Variants in USP43 observed in about 807,000 individuals in gnomAD.
USP43 encodes the protein ubiquitin carboxyl-terminal hydrolase 43.
A neutral mutation model predicts 90.7 loss-of-function variants in USP43; 33 were observed. That is an observed-to-expected ratio of 0.36 (90% confidence interval 0.28 to 0.49). The LOEUF is 0.49. USP43 is among the 20% of genes least tolerant of loss of function. USP43 has a pLI of 0.98. For missense variants in USP43, 1,274 were observed against 1,476.4 expected, an observed-to-expected ratio of 0.86 and a Z score of 2.25; for synonymous variants, 598 against 615.8, an observed-to-expected ratio of 0.97 and a Z score of 0.43.
chr17:9,655,084 G>GAAAAAAAAAAAAAAAAAAAA (rs57985388), intron 1 of USP43, among the ~76,000 whole-genome samples: 3 of 37,356 alleles, frequency 8.0e-5, no homozygotes, highest in East Asian at 1.1e-3. Flanking sequence ...AGAAAGAAAG[G>GAAAAAAAAAAAAAAAAAAAA]AAAAAAAAAA....
chr17:9,722,259 GC>G (rs1917001145), intron 14 of USP43, among the ~76,000 whole-genome samples: 1 of 151,448 alleles, frequency 6.6e-6, no homozygotes, highest in Non-Finnish European at 1.5e-5. Context: ...CTTTCTTTTT[GC>G]CTTCTCTCTT....
intron 14 of USP43, among the ~76,000 whole-genome samples, chr17:9,719,556 T>C (rs775990630): frequency 1.3e-5 from 2 of 152,172 alleles, no homozygotes; most frequent in Non-Finnish European, 2.9e-5. Context: ...GTTGTAAAGC[T>C]CACCCCTAGA....
chr17:9,696,068 A>G (rs557800478), intron 9 of USP43, among the ~76,000 whole-genome samples: 1 of 151,708 alleles, frequency 6.6e-6, no homozygotes, highest in Non-Finnish European at 1.5e-5. Flanking sequence ...GGGATGCTCA[A>G]ATATTATTGG....
intron 14 of USP43, among the ~76,000 whole-genome samples, chr17:9,719,749 TTTAGAAG>T (rs1479186894): frequency 6.6e-6 from 1 of 152,112 alleles, no homozygotes; most frequent in Non-Finnish European, 1.5e-5. Flanking sequence ...TGAAAGCTGT[TTTAGAAG>T]TTCTGAGACG....
At chr17:9,683,170 C>G (rs150247362) in intron 7 of USP43, among the ~76,000 whole-genome samples, 5 of 152,260 alleles carry the variant, frequency 3.3e-5, no homozygotes, top group Non-Finnish European at 7.4e-5. Flanking sequence ...CAGAGGCCTT[C>G]CTATTAATCG....
chr17:9,667,867 A>G (rs1342553639), intron 3 of USP43, among the ~76,000 whole-genome samples: 1 of 152,184 alleles, frequency 6.6e-6, no homozygotes, highest in Non-Finnish European at 1.5e-5. Context: ...GTGTGTCTAT[A>G]TATATTTTAA....
intron 8 of USP43, among the ~76,000 whole-genome samples, chr17:9,691,193 C>T (rs768053154): frequency 6.6e-6 from 1 of 151,286 alleles, no homozygotes; most frequent in Admixed American, 6.6e-5. Context: ...CAGCTCACTG[C>T]AACCTCCACC....
chr17:9,687,412 A>G (rs1597852449), intron 8 of USP43, among the ~76,000 whole-genome samples: 1 of 152,230 alleles, frequency 6.6e-6, no homozygotes, highest in Non-Finnish European at 1.5e-5. Context: ...AAATATGAAA[A>G]TCTAAATGTT....
chr17:9,721,175 G>C (rs1916934833), intron 14 of USP43, among the ~76,000 whole-genome samples: 1 of 152,148 alleles, frequency 6.6e-6, no homozygotes, highest in Non-Finnish European at 1.5e-5. Context: ...GTCCTTCCCA[G>C]AGACCCCTTG....
chr17:9,650,849 T>G (rs1911809664), intron 1 of USP43, among the ~76,000 whole-genome samples: 1 of 152,172 alleles, frequency 6.6e-6, no homozygotes, highest in Non-Finnish European at 1.5e-5. Flanking sequence ...TTTTTAAAAA[T>G]TTTAATAGGT....
chr17:9,717,922 G>C (rs571235804), intron 14 of USP43, among the ~76,000 whole-genome samples: 1 of 151,210 alleles, frequency 6.6e-6, no homozygotes, highest in South Asian at 2.1e-4. Context: ...TCAGACTCCC[G>C]AGTAGCTGGG....
At chr17:9,676,515 A>T (rs1913789331) in intron 4 of USP43, among the ~76,000 whole-genome samples, 1 of 152,114 alleles carries the variant, frequency 6.6e-6, no homozygotes, top group South Asian at 2.1e-4. Flanking sequence ...GATTACAGGC[A>T]TCCGCCACCA....
chr17:9,676,171 C>T (rs1408216709), intron 4 of USP43, among the ~76,000 whole-genome samples: 1 of 152,114 alleles, frequency 6.6e-6, no homozygotes, highest in Non-Finnish European at 1.5e-5. Context: ...TTTGTTTAAG[C>T]TTATCTATTT....
At chr17:9,670,039 C>CTTTTTT (rs148536442) in intron 3 of USP43, among the ~76,000 whole-genome samples, 2 of 131,556 alleles carry the variant, frequency 1.5e-5, no homozygotes, top group African/African-American at 5.7e-5. Flanking sequence ...GAGGTGACTG[C>CTTTTTT]TTTTTTTTTT....
chr17:9,706,979 G>C (rs555330900), intron 12 of USP43, among the ~76,000 whole-genome samples: 20 of 152,160 alleles, frequency 1.3e-4, no homozygotes, highest in Non-Finnish European at 2.1e-4. Flanking sequence ...TATGTAAGAT[G>C]CTTCTCATAT....
chr17:9,714,243 A>G (rs1321960072), intron 14 of USP43, among the ~76,000 whole-genome samples: 1 of 152,176 alleles, frequency 6.6e-6, no homozygotes, highest in Non-Finnish European at 1.5e-5. Context: ...GTGGATCAGT[A>G]CTTGTCCACA....
intron 1 of USP43, among the ~76,000 whole-genome samples, chr17:9,649,844 C>T (rs902444662): frequency 6.6e-6 from 1 of 151,966 alleles, no homozygotes; most frequent in African/African-American, 2.4e-5. Flanking sequence ...TGTTACAAGA[C>T]ATTTTCCTAG....
At chr17:9,654,384 G>A (rs1037186971) in intron 1 of USP43, among the ~76,000 whole-genome samples, 4 of 152,096 alleles carry the variant, frequency 2.6e-5, no homozygotes, top group African/African-American at 7.2e-5. Flanking sequence ...TGTGATTGAC[G>A]TAAAGACTCA....
chr17:9,676,657 C>A, intron 4 of USP43, 89 bp from the exon 5 acceptor site: 1 of 1,477,010 alleles, frequency 6.8e-7, no homozygotes, highest in Non-Finnish European at 9.1e-7. Context: ...CAGGTGTGAG[C>A]CACTGCGCCT....
Sources: allele counts gnomAD v4.1 joint callset (sites outside exome capture counted in the v4.1 genomes callset), GRCh38; gene constraint gnomAD v4.1.1; transcripts MANE v1.5; gene names NCBI Gene and HGNC (gene_info 2026-07-23, HGNC 2026-07-21).